GRIA4: variants seen among roughly 807,000 people sequenced by gnomAD.
GRIA4 encodes glutamate receptor 4.
GRIA4 carries 34 observed loss-of-function variants against 104.0 expected under a neutral mutation model. That is an observed-to-expected ratio of 0.33 (90% confidence interval 0.25 to 0.44). GRIA4 has a LOEUF of 0.44. Among genes scored for constraint, GRIA4 ranks in the 20% least tolerant of loss-of-function variants. The probability of loss-of-function intolerance (pLI) is 1.00; values close to 1 mark genes in which losing one functional copy is unlikely to be tolerated. For synonymous variants in GRIA4, 386 were observed against 381.9 expected (o/e 1.01, Z -0.13); for missense variants, 750 against 1,096.5 (o/e 0.68, Z 4.46).
Position 105,702,690 on chromosome 11 carries a change from C to CTTTTTTTTTTT in GRIA4, c.248-50288_248-50287insTTTTTTTTTTT, listed in dbSNP as rs150923757. On this transcript the variant is annotated intron_variant, in intron 3 of 16. Coordinates refer to ENST00000282499, the MANE Select transcript of GRIA4 (RefSeq NM_000829.4). ...TTATAAGATATGCAAAATTATTTTC[C>CTTTTTTTTTTT]TTTCTTTTTTTTTTTTTTTTTTTTG... 1.0e-4 allele frequency among the ~76,000 whole-genome samples: 10 copies of CTTTTTTTTTTT among 96,074 alleles called. 3 individuals are homozygous for CTTTTTTTTTTT. Among genetic ancestry groups the CTTTTTTTTTTT allele is most frequent in the Non-Finnish European group, 1.1e-4 (6 of 52,524 alleles). 63.0% of individuals were successfully genotyped at this position (96,074 alleles called of 152,430 possible).
intron 3 of GRIA4, among the ~76,000 whole-genome samples, chr11:105,621,949 A>C (rs1378703712): frequency 6.6e-6 from 1 of 151,638 alleles, no homozygotes; most frequent in Admixed American, 6.6e-5. Context: ...GTTAATTGAG[A>C]GGCTTAAGAC....
chr11:105,955,764 C>T (rs952341981), intron 14 of GRIA4, among the ~76,000 whole-genome samples: 1 of 152,216 alleles, frequency 6.6e-6, no homozygotes, highest in Admixed American at 6.5e-5. Context: ...TATTTCTCCA[C>T]AGCCTTGCCA....
chr11:105,758,820 G>A (rs945958304), intron 4 of GRIA4, among the ~76,000 whole-genome samples: 1 of 152,072 alleles, frequency 6.6e-6, no homozygotes, highest in Non-Finnish European at 1.5e-5. Flanking sequence ...CAGATACAAC[G>A]TATAAATTCC....
intron 3 of GRIA4, among the ~76,000 whole-genome samples, chr11:105,694,410 G>T (rs899143744): frequency 6.6e-6 from 1 of 152,064 alleles, no homozygotes; most frequent in Non-Finnish European, 1.5e-5. Context: ...GCCTCCCAAA[G>T]TGCTGGGATT....
intron 3 of GRIA4, among the ~76,000 whole-genome samples, chr11:105,722,181 T>C (rs1243065187): frequency 6.6e-6 from 1 of 152,184 alleles, no homozygotes; most frequent in African/African-American, 2.4e-5. Flanking sequence ...TATTTCTGTA[T>C]ACAGACAGTC....
intron 3 of GRIA4, among the ~76,000 whole-genome samples, chr11:105,655,192 T>A (rs1405741647): frequency 3.9e-5 from 6 of 152,170 alleles, no homozygotes; most frequent in Non-Finnish European, 8.8e-5. Flanking sequence ...ATTTTCTACA[T>A]TATACACATG....
chr11:105,948,595 G>GTTTTTTTTTTTTTTTTTTTTTTTTTTT (rs3060323), intron 14 of GRIA4, among the ~76,000 whole-genome samples: 5 of 87,870 alleles, frequency 5.7e-5, no homozygotes, highest in Non-Finnish European at 6.3e-5. Flanking sequence ...TTTTCTTTTT[G>GTTTTTTTTTTTTTTTTTTTTTTTTTTT]TTTTTTTTTT....
intron 4 of GRIA4, among the ~76,000 whole-genome samples, chr11:105,754,120 T>C (rs1288069339): frequency 6.6e-6 from 1 of 152,138 alleles, no homozygotes; most frequent in Non-Finnish European, 1.5e-5. Context: ...TGCCTTCGTC[T>C]TTTGGTAACA....
chr11:105,792,604 T>G (rs1157250606), intron 4 of GRIA4, among the ~76,000 whole-genome samples: 1 of 152,166 alleles, frequency 6.6e-6, no homozygotes. Context: ...GAAGTAAATT[T>G]TCAAAATTAG....
chr11:105,793,226 G>A (rs2135809932), intron 4 of GRIA4, among the ~76,000 whole-genome samples: 1 of 152,246 alleles, frequency 6.6e-6, no homozygotes, highest in South Asian at 2.1e-4. Flanking sequence ...CCGATGGAGT[G>A]AGGTCCAGAA....
At chr11:105,923,101 T>C (rs1262354386) in intron 11 of GRIA4, among the ~76,000 whole-genome samples, 2 of 152,062 alleles carry the variant, frequency 1.3e-5, no homozygotes, top group African/African-American at 4.8e-5. Context: ...TTGGCCACTG[T>C]ATAGAACCAG....
At chr11:105,749,072 G>A (rs1185003660) in intron 3 of GRIA4, among the ~76,000 whole-genome samples, 1 of 152,162 alleles carries the variant, frequency 6.6e-6, no homozygotes, top group Non-Finnish European at 1.5e-5. Flanking sequence ...AAGTGTTCAA[G>A]GACACTAAGA....
At chr11:105,621,815 C>A (rs1950753778) in intron 3 of GRIA4, among the ~76,000 whole-genome samples, 2 of 151,718 alleles carry the variant, frequency 1.3e-5, no homozygotes, top group Non-Finnish European at 1.5e-5. Flanking sequence ...TTACAACAAC[C>A]AGCATGTGAG....
chr11:105,846,520 C>T (rs1159875597), intron 4 of GRIA4, among the ~76,000 whole-genome samples: 1 of 151,716 alleles, frequency 6.6e-6, no homozygotes, highest in East Asian at 1.9e-4. Flanking sequence ...GACTATTACA[C>T]ACATAAATAT....
intron 3 of GRIA4, among the ~76,000 whole-genome samples, chr11:105,679,346 A>G (rs1952638537): frequency 6.6e-6 from 1 of 152,156 alleles, no homozygotes; most frequent in South Asian, 2.1e-4. Flanking sequence ...ATATTTGACC[A>G]AATATCTGGG....
At chr11:105,918,092 GACA>G (rs1306820658) in intron 10 of GRIA4, among the ~76,000 whole-genome samples, 1 of 151,950 alleles carries the variant, frequency 6.6e-6, no homozygotes, top group African/African-American at 2.4e-5. Context: ...CAAAATACTG[GACA>G]ACATTAGGAA....
intron 6 of GRIA4, among the ~76,000 whole-genome samples, chr11:105,888,695 G>A (rs1222503966): frequency 6.6e-6 from 1 of 151,978 alleles, no homozygotes; most frequent in Non-Finnish European, 1.5e-5. Context: ...CTTTCCGTAT[G>A]GCAAGTGGAC....
chr11:105,817,293 A>G (rs10895876), intron 4 of GRIA4, among the ~76,000 whole-genome samples: 84,124 of 148,344 alleles, frequency 0.57, 24,713 homozygotes, highest in African/African-American at 0.74. Context: ...TCTAGTTATA[A>G]GATAACATGA....
rs535422369 is a variant in GRIA4, at chr11:105,882,362, A to G, written c.673-5157A>G. Among the ~76,000 whole-genome samples the G allele has an allele frequency of 9.2e-5, 14 of 152,340 alleles. No individual in the cohort carries two copies. In the East Asian group the frequency reaches 2.7e-3, roughly 29 times the overall value. Reference sequence around the variant, plus strand: ...TTCAATAGAATGATCACAGCCTGGTAGTAATAGTTAGAAATAATATACAGC... The same window carrying G: ...TTCAATAGAATGATCACAGCCTGGTGGTAATAGTTAGAAATAATATACAGC... On this transcript the variant is annotated intron_variant, in intron 5 of 16. Transcript: ENST00000282499.
Sources: allele counts gnomAD v4.1 joint callset (sites outside exome capture counted in the v4.1 genomes callset), GRCh38; gene constraint gnomAD v4.1.1; transcripts MANE v1.5; gene names NCBI Gene and HGNC (gene_info 2026-07-23, HGNC 2026-07-21).